Variants in NRG3 observed in about 807,000 individuals in gnomAD.
NRG3 encodes pro-neuregulin-3, membrane-bound isoform.
A neutral mutation model predicts 66.9 loss-of-function variants in NRG3; 31 were observed. That is an observed-to-expected ratio of 0.46 (90% CI 0.35 to 0.63). The LOEUF (loss-of-function observed/expected upper bound fraction) is 0.63, where lower values mean the gene tolerates loss of function less well. NRG3 is among the 20% of genes least tolerant of loss of function. The pLI is 0.00. For missense variants in NRG3, 910 were observed against 878.9 expected (o/e 1.04, Z -0.45); for synonymous variants, 393 against 359.4 (o/e 1.09, Z -1.06).
chr10:82,106,919 C>T (rs2067102847), intron 1 of NRG3, among the ~76,000 whole-genome samples: 1 of 152,150 alleles, frequency 6.6e-6, no homozygotes, highest in Non-Finnish European at 1.5e-5. Flanking sequence ...CAAAATGTTA[C>T]ACAGTTAGAT....
intron 2 of NRG3, among the ~76,000 whole-genome samples, chr10:82,576,485 T>C (rs1300928488): frequency 6.6e-6 from 1 of 151,670 alleles, no homozygotes; most frequent in East Asian, 1.9e-4. Context: ...TTGTGTTTAG[T>C]TTCTGCCCAG....
intron 4 of NRG3, among the ~76,000 whole-genome samples, chr10:82,902,483 G>C (rs913340550): frequency 3.3e-5 from 5 of 151,918 alleles, no homozygotes; most frequent in African/African-American, 9.7e-5. Flanking sequence ...TCAGGGCCAC[G>C]TGGTCTTAGC....
intron 1 of NRG3, among the ~76,000 whole-genome samples, chr10:81,918,526 T>C (rs1845919719): frequency 1.3e-5 from 2 of 152,340 alleles, no homozygotes; most frequent in African/African-American, 4.8e-5. Context: ...TCTGGATTTT[T>C]CTATTTATAA....
At chr10:82,281,671 A>T (rs1283990457) in intron 1 of NRG3, among the ~76,000 whole-genome samples, 1 of 152,158 alleles carries the variant, frequency 6.6e-6, no homozygotes, top group Non-Finnish European at 1.5e-5. Flanking sequence ...TTTTACACCA[A>T]GAAAGTCTAG....
chr10:82,901,406 A>C (rs1844208340), intron 4 of NRG3, among the ~76,000 whole-genome samples: 1 of 152,108 alleles, frequency 6.6e-6, no homozygotes, highest in Admixed American at 6.6e-5. Flanking sequence ...AGGTGGAAAA[A>C]TGGTGAGAAT....
intron 2 of NRG3, among the ~76,000 whole-genome samples, chr10:82,504,015 T>C (rs1006949829): frequency 6.6e-6 from 1 of 152,226 alleles, no homozygotes; most frequent in African/African-American, 2.4e-5. Context: ...GCTCTGAATA[T>C]GCACTGAAAT....
At chr10:82,939,980 C>G (rs188462683) in intron 4 of NRG3, among the ~76,000 whole-genome samples, 1 of 151,852 alleles carries the variant, frequency 6.6e-6, no homozygotes, top group Non-Finnish European at 1.5e-5. Context: ...TGTAGTGAGG[C>G]CCTAGTGCAC....
intron 2 of NRG3, among the ~76,000 whole-genome samples, chr10:82,613,231 T>G (rs1440499451): frequency 6.6e-6 from 1 of 152,190 alleles, no homozygotes; most frequent in Non-Finnish European, 1.5e-5. Flanking sequence ...CATCATTTTA[T>G]GCAATGGCAA....
intron 4 of NRG3, among the ~76,000 whole-genome samples, chr10:82,928,367 C>T (rs1010774193): frequency 2.0e-5 from 3 of 152,120 alleles, no homozygotes; most frequent in African/African-American, 7.2e-5. Flanking sequence ...TCAATTTTGG[C>T]TTTTGCTGCC....
chr10:81,954,852 C>T (rs1849676844), intron 1 of NRG3, among the ~76,000 whole-genome samples: 1 of 152,062 alleles, frequency 6.6e-6, no homozygotes, highest in African/African-American at 2.4e-5. Flanking sequence ...GCCACTGCTG[C>T]ACTGTAACCA....
chr10:81,963,447 A>G (rs569227212), intron 1 of NRG3, among the ~76,000 whole-genome samples: 1 of 152,200 alleles, frequency 6.6e-6, no homozygotes, highest in African/African-American at 2.4e-5. Flanking sequence ...AGGGCTCTTT[A>G]GTAGGGAATA....
At chr10:81,972,799 A>G (rs1294599970) in intron 1 of NRG3, among the ~76,000 whole-genome samples, 1 of 152,186 alleles carries the variant, frequency 6.6e-6, no homozygotes, top group Non-Finnish European at 1.5e-5. Flanking sequence ...AATGAACCAT[A>G]AGCACAAGAA....
intron 1 of NRG3, among the ~76,000 whole-genome samples, chr10:82,202,472 T>C (rs1306583832): frequency 1.3e-5 from 2 of 152,206 alleles, no homozygotes; most frequent in Non-Finnish European, 2.9e-5. Context: ...GTTGCCACTT[T>C]TGAGAGAATA....
chr10:82,866,857 C>G (rs1015649102), intron 4 of NRG3, among the ~76,000 whole-genome samples: 1 of 151,972 alleles, frequency 6.6e-6, no homozygotes, highest in African/African-American at 2.4e-5. Context: ...AATAACCAAA[C>G]TGAGGTTGAG....
At chr10:82,878,235 T>A (rs573735773) in intron 4 of NRG3, among the ~76,000 whole-genome samples, 1 of 152,218 alleles carries the variant, frequency 6.6e-6, no homozygotes, top group South Asian at 2.1e-4. Context: ...CTTGATGTAG[T>A]TGGTGAAGGG....
At chr10:82,720,579 T>G (rs574643236) in intron 2 of NRG3, among the ~76,000 whole-genome samples, 3 of 151,944 alleles carry the variant, frequency 2.0e-5, no homozygotes, top group Admixed American at 1.3e-4. Context: ...TCAACTTCAA[T>G]CTCTAAACCT....
chr10:82,723,434 T>G (rs1477054234), intron 2 of NRG3, among the ~76,000 whole-genome samples: 1 of 152,178 alleles, frequency 6.6e-6, no homozygotes, highest in Non-Finnish European at 1.5e-5. Flanking sequence ...ATACCCATGT[T>G]ACAAACGTGC....
chr10:82,325,854 T>G (rs1330422154), intron 1 of NRG3, among the ~76,000 whole-genome samples: 3 of 152,176 alleles, frequency 2.0e-5, no homozygotes, highest in Admixed American at 2.0e-4. Flanking sequence ...TACATATACA[T>G]AAACATATAC....
intron 2 of NRG3, among the ~76,000 whole-genome samples, chr10:82,417,347 A>G (rs542944559): frequency 1.3e-5 from 2 of 152,194 alleles, no homozygotes; most frequent in Non-Finnish European, 2.9e-5. Context: ...AGAGAATAGT[A>G]TTCCAGGCAA....
Sources: allele counts gnomAD v4.1 joint callset (sites outside exome capture counted in the v4.1 genomes callset), GRCh38; gene constraint gnomAD v4.1.1; transcripts MANE v1.5; gene names NCBI Gene and HGNC (gene_info 2026-07-23, HGNC 2026-07-21).